The following SLC12A5 variants were observed in gnomAD, a reference collection of about 807,000 sequenced individuals.
The protein encoded by SLC12A5 is solute carrier family 12 member 5, also known as K-Cl cotransporter 2.
SLC12A5 carries 18 observed loss-of-function variants against 124.0 expected under a neutral mutation model. The observed-to-expected ratio is 0.15, with a 90% CI of 0.10 to 0.22. The LOEUF is 0.22. Ranked by LOEUF, SLC12A5 falls within the 10% of genes least tolerant of loss-of-function variation. The pLI is 1.00. For synonymous variants in SLC12A5, 589 were observed against 568.0 expected, an observed-to-expected ratio of 1.04 and a Z score of -0.53; for missense variants, 867 against 1,478.7, an observed-to-expected ratio of 0.59 and a Z score of 6.78.
chr20:46,049,959 A>G (rs2084633690), intron 17 of SLC12A5, among the ~76,000 whole-genome samples, 169 bp downstream of exon 17: 1 of 152,240 alleles, frequency 6.6e-6, no homozygotes, highest in South Asian at 2.1e-4. Context: ...TGAGTTCTTT[A>G]GAATTCAACT....
At position 46,056,622 on chromosome 20, in the gene SLC12A5, C is replaced by A; in HGVS notation, c.3110+58C>A. 1 of 1,541,586 alleles carries A rather than the reference C, an allele frequency of 6.5e-7. No homozygotes were observed. Among genetic ancestry groups the A allele is most frequent in the East Asian group, 2.3e-5 (1 of 43,970 alleles). On this transcript the variant is annotated intron_variant, in intron 23 of 25. Coordinates refer to ENST00000243964, the MANE Select transcript of SLC12A5 (RefSeq NM_020708.5). The surrounding 1 kb of genome is among the most constrained non-coding windows in gnomAD (Gnocchi z 4.3). ...GGGTGAGCTAAAGGGTCTTGCTCCC[C>A]ATGGCAGAGCAAGAGAGCAGAAGGC...
downstream of SLC12A5, chr20:46,023,613 G>A (rs2084373786): frequency 2.5e-6 from 1 of 396,192 alleles, no homozygotes; most frequent in Non-Finnish European, 4.4e-6. Context: ...TTTGCTTCTG[G>A]TGTTCTTGTC....
chr20:46,022,245 G>A (rs1021713228), intron 1 of SLC12A5, among the ~76,000 whole-genome samples: 7 of 151,892 alleles, frequency 4.6e-5, no homozygotes, highest in Non-Finnish European at 1.5e-5. Flanking sequence ...CGAGTAGGGA[G>A]CGGGACCAGA....
intron 16 of SLC12A5, 51 bp from the exon 17 acceptor site, chr20:46,049,571 G>T: frequency 6.4e-7 from 1 of 1,560,930 alleles, no homozygotes; most frequent in South Asian, 1.2e-5. Context: ...TATGGTGTGT[G>T]GATGGTTGGT....
intron 8 of SLC12A5, among the ~76,000 whole-genome samples, chr20:46,042,791 A>G (rs768312492): frequency 1.4e-4 from 22 of 152,054 alleles, no homozygotes; most frequent in African/African-American, 5.1e-4. Flanking sequence ...AGAATTGATG[A>G]TGGTGCCATT....
In SLC12A5 at chr20:46,056,517, C is replaced by T. The variant is rs762410302; in HGVS notation, c.3063C>T (p.Pro1021=). ...DKSVAEKNKG[P]SPVSSEGIKD... ...CGGTGGCAGAGAAGAATAAGGGCCC[C>T]AGTCCTGTCTCCTCTGAGGGCATCA... Residue 1021 remains proline, a synonymous_variant, in exon 23 of 26, where the codon CCC becomes CCT. Transcript: ENST00000243964. This position sits in a 1 kb window ranked among gnomAD's most constrained non-coding sequence, Gnocchi z 4.3. The T allele has an allele frequency of 6.2e-7, 1 of 1,614,140 alleles. No homozygotes were observed. Among genetic ancestry groups the T allele is most frequent in the Non-Finnish European group, 8.5e-7 (1 of 1,180,000 alleles).
rs766307074 is a variant in SLC12A5, at chr20:46,035,009, G to T, written c.114G>T (p.Lys38Asn). 6.2e-7 allele frequency: 1 copy of T among 1,614,014 alleles called. No individual in the cohort carries two copies. The highest frequency in any genetic ancestry group is 1.1e-5 in the South Asian group (1 of 91,076). The change falls in exon 2 of 26, where the codon AAG (lysine) becomes AAT (asparagine). Residue 38 changes from lysine to asparagine, a missense_variant. This residue lies in a region of SLC12A5 where 58 missense variants were observed against 52.2 expected (regional missense o/e 1.11). Coordinates refer to ENST00000243964, the MANE Select transcript of SLC12A5 (RefSeq NM_020708.5). The part of the protein sequence containing the change: ...FINSTDTEKG[K>N]EYDGKNMALF... ...ACAGCACCGACACAGAGAAGGGAAA[G>T]GAGTATGATGGCAAGAACATGGCCT...
At position 46,036,128 on chromosome 20, in the gene SLC12A5, G is replaced by T. The variant is rs1257453076; in HGVS notation, c.426+205G>T. On this transcript the variant is annotated intron_variant, in intron 4 of 25. Transcript: ENST00000243964. ...ATGGCTGTTAACCAGGTTTCACCTG[G>T]ATCTCTCTGTGTGTAATTACACAAG... The T allele has an allele frequency of 1.3e-5, 7 of 545,530 alleles. No individual in the cohort carries two copies. The African/African-American group carries it at 1.3e-4, about 10-fold the overall frequency. The allele number at this position is 545,530 out of a possible 1,614,324, so 33.8% of individuals were successfully genotyped here.
At chr20:46,054,396 G>T (rs961589297) in intron 20 of SLC12A5, among the ~76,000 whole-genome samples, 1 of 152,220 alleles carries the variant, frequency 6.6e-6, no homozygotes, top group Non-Finnish European at 1.5e-5. Context: ...GTGGAGGCAG[G>T]ATTCAAACCC....
At position 46,048,098 on chromosome 20, in the gene SLC12A5, G is replaced by A. The variant is rs1470277518; in HGVS notation, c.2012+13G>A. On this transcript the variant is annotated intron_variant, in intron 16 of 25. Coordinates refer to ENST00000243964, the MANE Select transcript of SLC12A5 (RefSeq NM_020708.5). ...CCAAGAACTGGAGGTTAGTGGTGAGGGCACGGGTGTGCATAAGAGTGTGTG... is the reference window on the plus strand; with the variant it reads ...CCAAGAACTGGAGGTTAGTGGTGAGAGCACGGGTGTGCATAAGAGTGTGTG... The A allele has an allele frequency of 6.2e-7, 1 of 1,602,746 alleles. No homozygotes were observed. Among genetic ancestry groups the A allele is most frequent in the Non-Finnish European group, 8.5e-7 (1 of 1,173,716 alleles).
chr20:46,037,204 C>T lies in SLC12A5; in HGVS notation c.482-51C>T, dbSNP rs368248006. On this transcript the variant is annotated intron_variant, in intron 5 of 25. Coordinates refer to ENST00000243964, the MANE Select transcript of SLC12A5 (RefSeq NM_020708.5). Reference sequence around the variant, plus strand: ...GTCACTGAACACCCCTCACCCCTTACGGCAGCCCAGTGCCCCCGACCCTCT... The same window carrying T: ...GTCACTGAACACCCCTCACCCCTTATGGCAGCCCAGTGCCCCCGACCCTCT... 7.5e-4 allele frequency: 1,160 copies of T among 1,549,688 alleles called. 4 individuals are homozygous for T. The African/African-American group carries it at 0.014, about 18-fold the overall frequency.
chr20:46,044,892 A>T, intron 11 of SLC12A5, 74 bp from the exon 12 acceptor site: 2 of 1,561,592 alleles, frequency 1.3e-6, no homozygotes, highest in Non-Finnish European at 1.8e-6. Context: ...TTGGTTCTGT[A>T]GTTGGTATGG....
Position 46,049,763 on chromosome 20 carries a change from T to G in SLC12A5, c.2154T>G (p.Asn718Lys). ...TCCTTGAGGGCACCTTTCTGGAAAATCATCCACAGGCCCAGCGGGCAGAAG... is the reference window on the plus strand; with the variant it reads ...TCCTTGAGGGCACCTTTCTGGAAAAGCATCCACAGGCCCAGCGGGCAGAAG... ...GSVLEGTFLE[N>K]HPQAQRAEES... is the part of the protein sequence containing the mutation. The change falls in exon 17 of 26, where the codon AAT (asparagine) becomes AAG (lysine). Residue 718 changes from asparagine to lysine, a missense_variant. Asn to Lys is a moderately conservative substitution (Grantham distance 94). Transcript: ENST00000243964. 6.2e-7 allele frequency: 1 copy of G among 1,601,170 alleles called. No individual in the cohort carries two copies. Among genetic ancestry groups the G allele is most frequent in the Non-Finnish European group, 8.5e-7 (1 of 1,174,764 alleles).
rs200461513 is a variant in SLC12A5, at chr20:46,053,708, T to C, written c.2678T>C (p.Met893Thr). ...RITAEVEVVE[M>T]HESDISAYTY... ...ACTGCGGAGGTCGAGGTGGTGGAGA[T>C]GGTGAGTCCCCAGGAGACACCGCTG... Residue 893 changes from methionine (M) to threonine (T), a missense_variant and splice_region_variant, in exon 20 of 26, where the codon ATG becomes ACG. Met to Thr is a moderately conservative substitution (Grantham distance 81, BLOSUM62 -1). Around this residue, in one of 9 missense-constraint regions of SLC12A5, gnomAD observed 70 missense variants for 157.2 expected, o/e 0.45. Coordinates refer to ENST00000243964, the MANE Select transcript of SLC12A5 (RefSeq NM_020708.5). The surrounding 1 kb of genome is among the most constrained non-coding windows in gnomAD (Gnocchi z 4.7). The C allele has an allele frequency of 9.4e-6, 15 of 1,587,592 alleles. No homozygotes were observed. The highest frequency in any genetic ancestry group is 3.4e-5 in the Admixed American group (2 of 58,698).
At chr20:46,039,260 G>A (rs185168737) in intron 6 of SLC12A5, among the ~76,000 whole-genome samples, 16 of 152,206 alleles carry the variant, frequency 1.1e-4, no homozygotes, top group African/African-American at 3.9e-4. Flanking sequence ...AAATACAGAT[G>A]TGCATAAAGA....
intron 18 of SLC12A5, among the ~76,000 whole-genome samples, 173 bp downstream of exon 18, chr20:46,052,043 T>G (rs2084651528): frequency 6.6e-6 from 1 of 152,206 alleles, no homozygotes; most frequent in Admixed American, 6.5e-5. Context: ...CCAGCCACTG[T>G]GCTGGGCGCT....
intron 1 of SLC12A5, among the ~76,000 whole-genome samples, chr20:46,034,260 C>A (rs570082205): frequency 1.3e-5 from 2 of 152,348 alleles, no homozygotes; most frequent in Non-Finnish European, 2.9e-5. Context: ...GCGGACACGT[C>A]ACTTCCTCTG....
rs1202818249 is a variant in SLC12A5 at position 46,043,170 on chromosome 20, T to C, written c.1084T>C (p.Tyr362His). The C allele has an allele frequency of 1.2e-6, 2 of 1,613,704 alleles. No individual in the cohort carries two copies. The highest frequency in any genetic ancestry group is 1.7e-6 in the Non-Finnish European group (2 of 1,179,830). The part of the protein sequence containing the change: ...GLIKENLWSS[Y>H]LTKGVIVERS... ...CCCCACAGAGAACCTCTGGAGCTCC[T>C]ACCTGACCAAGGGCGTGATTGTGGA... The change falls in exon 9 of 26, where the codon TAC becomes CAC. Residue 362 changes from tyrosine (Y) to histidine (H), a missense_variant. Transcript: ENST00000243964.
In SLC12A5 at chr20:46,048,063, C is replaced by A. The variant is rs1288795186; in HGVS notation, c.1990C>A (p.Pro664Thr). The change falls in exon 16 of 26, where the codon CCC becomes ACC. Residue 664 changes from proline to threonine, a missense_variant. Pro to Thr is a conservative substitution (Grantham distance 38). Around this residue, in one of 9 missense-constraint regions of SLC12A5, gnomAD observed 38 missense variants for 36.2 expected, o/e 1.05. Transcript: ENST00000243964. ...TGCCCTCTTACGCCTGGAGGAAGGG[C>A]CCCCACACACCAAGAACTGGAGGTT... ...RYALLRLEEG[P>T]PHTKNWRPQL... 1.2e-6 allele frequency: 2 copies of A among 1,612,070 alleles called. No homozygotes were observed. Among genetic ancestry groups the A allele is most frequent in the African/African-American group, 2.7e-5 (2 of 74,982 alleles).
Sources: gnomAD v4.1 joint callset for allele counts (sites outside exome capture counted in the v4.1 genomes callset) on GRCh38, gnomAD v4.1.1 for gene constraint, gnomAD v4.1.1 regional missense constraint, Gnocchi (gnomAD v3.1) non-coding constraint, MANE v1.5 for transcripts, NCBI Gene and HGNC (gene_info 2026-07-23, HGNC 2026-07-21) for gene names.